ANO4: variants seen among roughly 807,000 people sequenced by gnomAD.
ANO4 encodes anoctamin-4.
ANO4 carries 69 observed loss-of-function variants against 141.9 expected under a neutral mutation model. The ratio of observed to expected loss-of-function variants is 0.49; its 90% CI spans 0.40 to 0.59. ANO4 has a LOEUF of 0.59. Ranked by LOEUF, ANO4 falls within the 20% of genes least tolerant of loss-of-function variation. ANO4 has a pLI of 0.00. For missense variants in ANO4, 894 were observed against 1,162.2 expected (o/e 0.77, Z 3.36); for synonymous variants, 350 against 394.3 (o/e 0.89, Z 1.33).
chr12:100,959,380 A>G (rs12821115), intron 5 of ANO4, among the ~76,000 whole-genome samples: 25,333 of 152,024 alleles, frequency 0.17, 2,427 homozygotes, highest in East Asian at 0.42. Flanking sequence ...ACATGCTCCC[A>G]TAACTCACAA....
At chr12:100,822,545 G>A (rs1024391210) in intron 1 of ANO4, among the ~76,000 whole-genome samples, 5 of 151,890 alleles carry the variant, frequency 3.3e-5, no homozygotes, top group Non-Finnish European at 5.9e-5. Context: ...ATACACACAC[G>A]CACAGGGCGA....
Position 101,082,042 on chromosome 12 carries a change from T to C in ANO4, c.1396-1636T>C, listed in dbSNP as rs570442254. Among the ~76,000 whole-genome samples, 5 of 152,314 alleles carry C rather than the reference T, an allele frequency of 3.3e-5. No individual in the cohort carries two copies. In the East Asian group the frequency reaches 9.7e-4, roughly 29 times the overall value. On this transcript the variant is annotated intron_variant, in intron 15 of 27. Coordinates refer to ENST00000392977, the MANE Select transcript of ANO4 (RefSeq NM_001286615.2). Reference sequence around the variant, plus strand: ...GGGAAGCAAGACACAATTTGGCCTATAACACCCAGCGATATGGTTTGGCTG... The same window carrying C: ...GGGAAGCAAGACACAATTTGGCCTACAACACCCAGCGATATGGTTTGGCTG...
intron 3 of ANO4, among the ~76,000 whole-genome samples, chr12:100,744,812 A>C (rs1156425374): frequency 6.6e-6 from 1 of 152,110 alleles, no homozygotes; most frequent in Non-Finnish European, 1.5e-5. Flanking sequence ...ATCTCTCCTT[A>C]GACTAGTGCT....
At chr12:100,814,965 G>C (rs541860752) in intron 1 of ANO4, among the ~76,000 whole-genome samples, 1 of 152,226 alleles carries the variant, frequency 6.6e-6, no homozygotes, top group African/African-American at 2.4e-5. Context: ...GTGGGACGAA[G>C]ATGTGTGAGA....
At position 100,762,047 on chromosome 12, in the gene ANO4, G is replaced by C. The variant is rs578067325; in HGVS notation, c.358+21942G>C. Among the ~76,000 whole-genome samples, 32 of 152,306 alleles carry C rather than the reference G, an allele frequency of 2.1e-4. 1 individual carries two copies. The South Asian group carries it at 6.4e-3, about 31-fold the overall frequency. ...ACAGAGGCTTTATTATTAATCACTA[G>C]GGGGAAAGGGGCTGTAACAAAAGTA... On this transcript the variant is annotated intron_variant, in intron 3 of 29. Coordinates refer to the ANO4 transcript ENST00000644049.
intron 13 of ANO4, 88 bp from the exon 14 acceptor site, chr12:101,048,253 C>A: frequency 7.1e-7 from 1 of 1,403,382 alleles, no homozygotes; most frequent in South Asian, 1.2e-5. Flanking sequence ...ATTATATAAT[C>A]ACAGCTATTT....
At chr12:100,739,089 A>T (rs2031747880) in intron 2 of ANO4, among the ~76,000 whole-genome samples, 1 of 139,230 alleles carries the variant, frequency 7.2e-6, no homozygotes, top group Non-Finnish European at 1.6e-5. Flanking sequence ...CTTTATGTAT[A>T]TATAATTTGT....
At chr12:100,935,466 A>G (rs2042247939) in intron 3 of ANO4, among the ~76,000 whole-genome samples, 1 of 152,154 alleles carries the variant, frequency 6.6e-6, no homozygotes, top group South Asian at 2.1e-4. Context: ...TTCTCAGAGT[A>G]TTTGACTCTC....
In ANO4 at chr12:100,939,309, T is replaced by G. The variant is rs753971728; in HGVS notation, c.161-6T>G. 6.2e-7 allele frequency: 1 copy of G among 1,611,688 alleles called. No homozygotes were observed. The highest frequency in any genetic ancestry group is 8.5e-7 in the Non-Finnish European group (1 of 1,178,320). ...CCACCTTATAATGTATTTACTTTGG[T>G]TCTAGTGGCCAAGGATGTCAATATT... On this transcript the variant is annotated splice_region_variant and splice_polypyrimidine_tract_variant and intron_variant, in intron 3 of 27. Coordinates refer to ENST00000392977, the MANE Select transcript of ANO4 (RefSeq NM_001286615.2).
rs12164841 is a variant in ANO4 at position 100,756,448 on chromosome 12, C to A, written c.358+16343C>A. Among the ~76,000 whole-genome samples, 444 of 152,252 alleles carry A rather than the reference C, an allele frequency of 2.9e-3. 2 individuals carry two copies. The highest frequency in any genetic ancestry group is 0.01 in the African/African-American group (420 of 41,556). On this transcript the variant is annotated intron_variant, in intron 3 of 29. Coordinates refer to the ANO4 transcript ENST00000644049. ...CACTGCAACCTCTGCCTCCCAGATT[C>A]AAGTGATTCTCCTGCCTCAGCCTCC...
At position 100,755,944 on chromosome 12, in the gene ANO4, C is replaced by T. The variant is rs145195245; in HGVS notation, c.358+15839C>T. On this transcript the variant is annotated intron_variant, in intron 3 of 29. Transcript: ENST00000644049. ...AGAGGATCTTTGGGTCTTAGGATGA[C>T]ATAGTTTGCAAAGAGATTCTGAATA... Among the ~76,000 whole-genome samples the T allele has an allele frequency of 4.7e-3, 713 of 152,296 alleles. 6 individuals are homozygous for T. Among genetic ancestry groups the T allele is most frequent in the African/African-American group, 0.016 (665 of 41,562 alleles).
In ANO4 at chr12:100,988,872, G is replaced by GAAA. The variant is rs748666892; in HGVS notation, c.734+1216_734+1218dup. 1.8e-4 allele frequency among the ~76,000 whole-genome samples: 12 copies of GAAA among 65,026 alleles called. 1 individual carries two copies. The highest frequency in any genetic ancestry group is 2.6e-4 in the African/African-American group (4 of 15,488). The allele number at this position is 65,026 out of a possible 152,430, so 42.7% of individuals were successfully genotyped here. On this transcript the variant is annotated intron_variant, in intron 8 of 27. Coordinates refer to ENST00000392977, the MANE Select transcript of ANO4 (RefSeq NM_001286615.2). ...GGTGACAGAGTGAGACTCTGTCTCAGAAAAAAAAAAAAAAAAGAAAGAAAA... is the reference window on the plus strand; with the variant it reads ...GGTGACAGAGTGAGACTCTGTCTCAGAAAAAAAAAAAAAAAAAAAGAAAGAAAA...
At chr12:100,858,162 T>G (rs2038281285) in intron 1 of ANO4, among the ~76,000 whole-genome samples, 1 of 151,706 alleles carries the variant, frequency 6.6e-6, no homozygotes, top group Non-Finnish European at 1.5e-5. Flanking sequence ...GTTAGCTGAT[T>G]TCATCACTGT....
chr12:100,971,221 G>C (rs916015780), intron 5 of ANO4, 85 bp from the exon 6 acceptor site: 9 of 891,978 alleles, frequency 1.0e-5, no homozygotes, highest in African/African-American at 1.0e-4. Context: ...CTCTGTCCAG[G>C]TCCATGCATT....
rs539560230 is a variant in ANO4 at position 100,725,378 on chromosome 12, A to G, written c.22+7831A>G. Among the ~76,000 whole-genome samples the G allele has an allele frequency of 2.4e-3, 300 of 124,450 alleles. 1 individual carries two copies. The highest frequency in any genetic ancestry group is 0.014 in the East Asian group (61 of 4,310). 81.6% of individuals were successfully genotyped at this position (124,450 alleles called of 152,430 possible). On this transcript the variant is annotated intron_variant, in intron 1 of 29. Coordinates refer to the ANO4 transcript ENST00000644049. Reference sequence around the variant, plus strand: ...TTTTTTTTTTTTGAGACGGAGTCTCACTCTGTCACCCAGGCTGGAGTGCAG... The same window carrying G: ...TTTTTTTTTTTTGAGACGGAGTCTCGCTCTGTCACCCAGGCTGGAGTGCAG...
At position 100,988,832 on chromosome 12, in the gene ANO4, T is replaced by C. The variant is rs573952059; in HGVS notation, c.734+1162T>C. Among the ~76,000 whole-genome samples the C allele has an allele frequency of 2.4e-3, 323 of 133,184 alleles. 2 individuals carry two copies. The highest frequency in any genetic ancestry group is 7.8e-3 in the African/African-American group (278 of 35,616). The allele number at this position is 133,184 out of a possible 152,430, so 87.4% of individuals were successfully genotyped here. A position where few individuals can be genotyped will look rare whatever the true frequency, so the allele number is the denominator to read the frequency against. The stretch of plus-strand genomic sequence containing the variant: ...GTTGCAGTGAGCCAAGATTGTGCCA[T>C]TGCACTCCAGCCTGGGTGACAGAGT... On this transcript the variant is annotated intron_variant, in intron 8 of 27. Coordinates refer to ENST00000392977, the MANE Select transcript of ANO4 (RefSeq NM_001286615.2).
intron 5 of ANO4, among the ~76,000 whole-genome samples, chr12:100,968,423 C>T (rs754954816): frequency 6.6e-6 from 1 of 152,020 alleles, no homozygotes; most frequent in Non-Finnish European, 1.5e-5. Flanking sequence ...ACTCTAAGCG[C>T]TATATTCTGC....
At chr12:101,091,748 A>T (rs1403411520) in intron 17 of ANO4, among the ~76,000 whole-genome samples, 4 of 151,444 alleles carry the variant, frequency 2.6e-5, no homozygotes, top group African/African-American at 9.7e-5. Flanking sequence ...AGCTAGATTA[A>T]AGACTCTGAT....
intron 3 of ANO4, among the ~76,000 whole-genome samples, chr12:100,936,741 C>G (rs1267743023): frequency 6.6e-6 from 1 of 152,138 alleles, no homozygotes; most frequent in Non-Finnish European, 1.5e-5. Context: ...CCAAAATACT[C>G]ACTTTAAGCT....
Sources: allele counts gnomAD v4.1 joint callset (sites outside exome capture counted in the v4.1 genomes callset), GRCh38; gene constraint gnomAD v4.1.1; transcripts MANE v1.5; gene names NCBI Gene and HGNC (gene_info 2026-07-23, HGNC 2026-07-21).